Variants in SFSWAP observed in about 807,000 individuals in gnomAD.
SFSWAP encodes splicing factor, suppressor of white-apricot homolog.
A neutral mutation model predicts 100.7 loss-of-function variants in SFSWAP; 17 were observed. The ratio of observed to expected loss-of-function variants is 0.17; its 90% CI spans 0.12 to 0.25. SFSWAP has a LOEUF of 0.25. SFSWAP is among the 10% of genes least tolerant of loss of function. The pLI, the probability that SFSWAP is intolerant of heterozygous loss-of-function variation, is 1.00. For synonymous variants in SFSWAP, 504 were observed against 510.1 expected (o/e 0.99, Z 0.16); for missense variants, 1,005 against 1,262.6 (o/e 0.80, Z 3.09).
At chr12:131,712,341 CTCTT>C (rs1195473355) in intron 1 of SFSWAP, 2 of 152,182 alleles carry the variant, frequency 1.3e-5, no homozygotes, top group East Asian at 1.9e-4. Flanking sequence ...GTTTGCTCCC[CTCTT>C]TCTTCCCATT....
At chr12:131,736,311 A>G (rs140213920) in intron 7 of SFSWAP, among the ~76,000 whole-genome samples, 1 of 152,230 alleles carries the variant, frequency 6.6e-6, no homozygotes, top group African/African-American at 2.4e-5. Context: ...TGTAAATGCC[A>G]GTTGTGGAAA....
chr12:131,783,790 TTTTATA>T (rs1365438689), intron 14 of SFSWAP: 1 of 32,272 alleles, frequency 3.1e-5, no homozygotes, highest in African/African-American at 6.5e-5. Flanking sequence ...AAAAAAAACA[TTTTATA>T]TATATATATA....
chr12:131,774,840 C>T (rs192798791), intron 13 of SFSWAP, among the ~76,000 whole-genome samples: 3 of 152,114 alleles, frequency 2.0e-5, no homozygotes, highest in East Asian at 1.9e-4. Context: ...CAGATTGTCC[C>T]GTCGCTTCAA....
At chr12:131,723,690 C>A (rs901625455) in intron 4 of SFSWAP, among the ~76,000 whole-genome samples, 3 of 152,132 alleles carry the variant, frequency 2.0e-5, no homozygotes, top group Non-Finnish European at 4.4e-5. Context: ...GAGCTCAAGC[C>A]TTTTCCAAAG....
chr12:131,744,907 C>T (rs1308438433), intron 7 of SFSWAP, among the ~76,000 whole-genome samples: 1 of 152,186 alleles, frequency 6.6e-6, no homozygotes, highest in Non-Finnish European at 1.5e-5. Flanking sequence ...CAGAGAAGCT[C>T]CTGTTTTTGA....
chr12:131,744,360 T>C (rs576827343), intron 7 of SFSWAP, among the ~76,000 whole-genome samples: 8 of 152,374 alleles, frequency 5.3e-5, no homozygotes, highest in African/African-American at 1.9e-4. Context: ...TAGAAATTTC[T>C]TTCACCAGAT....
intron 7 of SFSWAP, among the ~76,000 whole-genome samples, chr12:131,742,479 T>C (rs1443953772): frequency 6.6e-6 from 1 of 152,196 alleles, no homozygotes; most frequent in Non-Finnish European, 1.5e-5. Context: ...CACAGTGGGC[T>C]AAAATTCCAA....
chr12:131,723,935 A>G (rs1359650269), intron 4 of SFSWAP, among the ~76,000 whole-genome samples: 1 of 152,234 alleles, frequency 6.6e-6, no homozygotes, highest in Admixed American at 6.5e-5. Flanking sequence ...ATGCATATTT[A>G]TATGTTGACT....
At chr12:131,715,904 T>C (rs1176036537) in intron 3 of SFSWAP, among the ~76,000 whole-genome samples, 1 of 152,242 alleles carries the variant, frequency 6.6e-6, no homozygotes, top group African/African-American at 2.4e-5. Context: ...CTCACTGTGT[T>C]GCCCAAGCTA....
chr12:131,776,349 G>A (rs975146656), intron 13 of SFSWAP, among the ~76,000 whole-genome samples: 6 of 152,180 alleles, frequency 3.9e-5, no homozygotes, highest in Non-Finnish European at 5.9e-5. Context: ...CCAGGGAGGG[G>A]CATTAGAGAG....
At chr12:131,768,580 C>T (rs1310277566) in intron 13 of SFSWAP, among the ~76,000 whole-genome samples, 4 of 152,236 alleles carry the variant, frequency 2.6e-5, no homozygotes, top group African/African-American at 7.2e-5. Flanking sequence ...GTCGAGTCCC[C>T]GAGTGCCGCA....
chr12:131,796,601 C>G (rs1482768482), intron 15 of SFSWAP: 1 of 152,714 alleles, frequency 6.5e-6, no homozygotes, highest in Non-Finnish European at 1.5e-5. Context: ...GCCTGGACAA[C>G]AGAGTGAGAC....
chr12:131,797,379 C>T lies in SFSWAP; in HGVS notation c.2717+19C>T. The T allele has an allele frequency of 1.3e-6, 2 of 1,591,880 alleles. No homozygotes were observed. The highest frequency in any genetic ancestry group is 1.8e-5 in the Admixed American group (1 of 56,818). On this transcript the variant is annotated intron_variant, in intron 16 of 17. Coordinates refer to ENST00000261674, the MANE Select transcript of SFSWAP (RefSeq NM_004592.4). Reference sequence around the variant, plus strand: ...GCTCCAGGTAACCCCTGTCCTCCAGCAGCTCTCTCTGGGGAAAGGCAAGGG... The same window carrying T: ...GCTCCAGGTAACCCCTGTCCTCCAGTAGCTCTCTCTGGGGAAAGGCAAGGG...
At chr12:131,719,303 A>G in intron 3 of SFSWAP, 151 bp from the exon 4 acceptor site, 4 of 552,494 alleles carry the variant, frequency 7.2e-6, no homozygotes, top group South Asian at 3.9e-5. Context: ...CGTTGTGGGT[A>G]GAAGAGAAAG....
Position 131,733,094 on chromosome 12 carries a change from G to A in SFSWAP, c.1081+4666G>A, listed in dbSNP as rs555784656. On this transcript the variant is annotated intron_variant, in intron 7 of 17. Transcript: ENST00000261674. This position sits in a 1 kb window ranked among gnomAD's most constrained non-coding sequence, Gnocchi z 5.1. ...CAATGAAACCAGAGCCCTGTGGCCC[G>A]CGTTTCAGACCACTGCCAACCATGG... is the stretch of plus-strand genomic sequence containing the variant. 1.3e-5 allele frequency among the ~76,000 whole-genome samples: 2 copies of A among 152,170 alleles called. No homozygotes were observed. Among genetic ancestry groups the A allele is most frequent in the African/African-American group, 2.4e-5 (1 of 41,462 alleles).
intron 15 of SFSWAP, among the ~76,000 whole-genome samples, chr12:131,787,688 C>A (rs1039708216): frequency 2.6e-5 from 4 of 152,134 alleles, no homozygotes; most frequent in Non-Finnish European, 5.9e-5. Context: ...GGATCACCCA[C>A]ACACTGGGAC....
rs1484520017 is a variant in SFSWAP at position 131,711,691 on chromosome 12, C to G, written c.218+244C>G. The stretch of plus-strand genomic sequence containing the variant: ...TCTCCGGAGGGATCGTCTCTGGTCC[C>G]GCAGCCCCTCTCGACCCCTCACCCT... On this transcript the variant is annotated intron_variant, in intron 1 of 17. Coordinates refer to ENST00000261674, the MANE Select transcript of SFSWAP (RefSeq NM_004592.4). This position sits in a 1 kb window ranked among gnomAD's most constrained non-coding sequence, Gnocchi z 4.9. 2.0e-6 allele frequency: 1 copy of G among 508,452 alleles called. No homozygotes were observed. Among genetic ancestry groups the G allele is most frequent in the Non-Finnish European group, 3.5e-6 (1 of 282,386 alleles). The allele number at this position is 508,452 out of a possible 1,614,324, so 31.5% of individuals were successfully genotyped here.
chr12:131,777,671 G>T (rs1169681911), intron 13 of SFSWAP, among the ~76,000 whole-genome samples: 1 of 152,206 alleles, frequency 6.6e-6, no homozygotes, highest in Non-Finnish European at 1.5e-5. Flanking sequence ...TAATGGGATG[G>T]CTGGGTCAAA....
In SFSWAP at chr12:131,778,868, GT is replaced by G. The variant is rs557327840; in HGVS notation, c.2408+541del. Reference sequence around the variant, plus strand: ...ACTACTGCCAGGTTTTTAAAAATTGGTTTGTTTAAATTCTAATGGTTCCTGG... The same window carrying G: ...ACTACTGCCAGGTTTTTAAAAATTGGTTGTTTAAATTCTAATGGTTCCTGG... On this transcript the variant is annotated intron_variant, in intron 14 of 17. Coordinates refer to ENST00000261674, the MANE Select transcript of SFSWAP (RefSeq NM_004592.4). This position sits in a 1 kb window ranked among gnomAD's most constrained non-coding sequence, Gnocchi z 4.2. Among the ~76,000 whole-genome samples, 249 of 152,070 alleles carry G rather than the reference GT, an allele frequency of 1.6e-3. No homozygotes were observed. The highest frequency in any genetic ancestry group is 3.0e-3 in the Non-Finnish European group (206 of 67,990).
Sources: allele counts gnomAD v4.1 joint callset (sites outside exome capture counted in the v4.1 genomes callset), GRCh38; gene constraint gnomAD v4.1.1; non-coding constraint Gnocchi (gnomAD v3.1); transcripts MANE v1.5; gene names NCBI Gene and HGNC (gene_info 2026-07-23, HGNC 2026-07-21).